PSD3: variants seen among roughly 807,000 people sequenced by gnomAD.
PSD3 encodes the protein pleckstrin and Sec7 domain containing 3.
A neutral mutation model predicts 105.5 loss-of-function variants in PSD3; 49 were observed. The observed-to-expected ratio is 0.46, with a 90% confidence interval of 0.37 to 0.59. The LOEUF is 0.59. PSD3 is among the 20% of genes least tolerant of loss of function. PSD3 has a pLI of 0.00. For synonymous variants in PSD3, 557 were observed against 457.8 expected, an observed-to-expected ratio of 1.22 and a Z score of -2.77; for missense variants, 1,561 against 1,263.8, an observed-to-expected ratio of 1.24 and a Z score of -3.57.
intron 8 of PSD3, among the ~76,000 whole-genome samples, chr8:18,771,123 T>C (rs1807482896): frequency 6.6e-6 from 1 of 152,118 alleles, no homozygotes; most frequent in South Asian, 2.1e-4. Context: ...GCTTCTCCTC[T>C]CTCTGCTGGC....
At chr8:18,734,636 TAGCA>T (rs1420240497) in intron 9 of PSD3, among the ~76,000 whole-genome samples, 2 of 152,162 alleles carry the variant, frequency 1.3e-5, no homozygotes, top group Non-Finnish European at 2.9e-5. Context: ...TTATGGAACT[TAGCA>T]AGTCATGAGG....
At chr8:19,001,474 C>T (rs1826390817) in intron 1 of PSD3, among the ~76,000 whole-genome samples, 1 of 151,010 alleles carries the variant, frequency 6.6e-6, no homozygotes, top group Non-Finnish European at 1.5e-5. Flanking sequence ...CCTACACTGA[C>T]ACACTGATCT....
At chr8:18,822,527 G>A (rs1004016481) in intron 4 of PSD3, among the ~76,000 whole-genome samples, 1 of 152,136 alleles carries the variant, frequency 6.6e-6, no homozygotes, top group African/African-American at 2.4e-5. Flanking sequence ...TCTTAAAATG[G>A]CAAAAGTCTG....
At chr8:18,694,012 G>GA (rs1372335664) in intron 9 of PSD3, among the ~76,000 whole-genome samples, 2 of 152,184 alleles carry the variant, frequency 1.3e-5, no homozygotes, top group Non-Finnish European at 2.9e-5. Flanking sequence ...GGAAAGATCT[G>GA]AAAAAAGAAT....
chr8:19,026,216 G>T (rs1357528729), intron 1 of PSD3, among the ~76,000 whole-genome samples: 1 of 152,180 alleles, frequency 6.6e-6, no homozygotes, highest in African/African-American at 2.4e-5. Context: ...TGAGGTTTGG[G>T]TGGCGACACA....
intron 9 of PSD3, among the ~76,000 whole-genome samples, chr8:18,709,466 C>G (rs1239465019): frequency 6.6e-6 from 1 of 152,228 alleles, no homozygotes; most frequent in Non-Finnish European, 1.5e-5. Context: ...TCCCCTCAGC[C>G]CACTGCACCT....
At chr8:18,940,414 C>A (rs1822458401) in intron 1 of PSD3, 1 of 152,142 alleles carries the variant, frequency 6.6e-6, no homozygotes, top group African/African-American at 2.4e-5. Flanking sequence ...GCTAAAGCTT[C>A]CGAATGAAGC....
intron 9 of PSD3, among the ~76,000 whole-genome samples, chr8:18,678,469 C>T (rs1415727567): frequency 1.3e-5 from 2 of 152,234 alleles, no homozygotes; most frequent in Non-Finnish European, 2.9e-5. Flanking sequence ...CAACTAACTT[C>T]CAGCCAATCA....
intron 14 of PSD3, among the ~76,000 whole-genome samples, chr8:18,567,206 C>T (rs188781885): frequency 2.0e-5 from 3 of 152,142 alleles, no homozygotes; most frequent in Admixed American, 6.5e-5. Context: ...ACCCAAACTA[C>T]TGAAAAAGAA....
intron 1 of PSD3, among the ~76,000 whole-genome samples, chr8:18,977,348 T>A (rs550766260): frequency 6.6e-6 from 1 of 152,052 alleles, no homozygotes; most frequent in East Asian, 1.9e-4. Context: ...AATTAAACAC[T>A]TAGCCTCAGT....
At chr8:18,938,433 C>T (rs1822300731) in intron 1 of PSD3, among the ~76,000 whole-genome samples, 1 of 151,948 alleles carries the variant, frequency 6.6e-6, no homozygotes, top group Admixed American at 6.6e-5. Context: ...ACCAGCCTGG[C>T]CAACATGGCA....
At chr8:18,566,406 A>C (rs1246772911) in intron 14 of PSD3, among the ~76,000 whole-genome samples, 1 of 151,800 alleles carries the variant, frequency 6.6e-6, no homozygotes, top group Non-Finnish European at 1.5e-5. Context: ...GGCGCCTGTA[A>C]TCCCAGCTAC....
At chr8:18,726,120 T>C (rs1193676362) in intron 9 of PSD3, among the ~76,000 whole-genome samples, 3 of 152,186 alleles carry the variant, frequency 2.0e-5, no homozygotes, top group Admixed American at 6.5e-5. Context: ...ATGAATGTGG[T>C]TCTCTCCTGC....
At chr8:18,937,374 G>C (rs879089231) in intron 1 of PSD3, among the ~76,000 whole-genome samples, 3 of 152,116 alleles carry the variant, frequency 2.0e-5, no homozygotes, top group Admixed American at 2.0e-4. Context: ...ATTCACTTTG[G>C]GGGAGAGAAG....
chr8:18,553,570 C>G (rs1220718512), intron 15 of PSD3, among the ~76,000 whole-genome samples: 1 of 152,208 alleles, frequency 6.6e-6, no homozygotes, highest in Non-Finnish European at 1.5e-5. Flanking sequence ...ACTCTTATAT[C>G]TGCTATGAAG....
chr8:18,762,892 G>C (rs1806656527), intron 9 of PSD3: 6 of 1,249,266 alleles, frequency 4.8e-6, no homozygotes, highest in Non-Finnish European at 5.2e-6. Context: ...ACAGAATTTG[G>C]CTTATACTTT....
At chr8:18,922,708 G>C (rs1313906110) in intron 2 of PSD3, among the ~76,000 whole-genome samples, 1 of 149,198 alleles carries the variant, frequency 6.7e-6, no homozygotes, top group Non-Finnish European at 1.5e-5. Flanking sequence ...CTGCGCTTCT[G>C]ACTGGCTATA....
intron 2 of PSD3, among the ~76,000 whole-genome samples, chr8:18,877,924 C>T (rs1363819444): frequency 6.6e-6 from 1 of 152,146 alleles, no homozygotes; most frequent in Non-Finnish European, 1.5e-5. Context: ...TGAGTCTCCT[C>T]CAACCTTGTT....
At chr8:18,845,407 G>C (rs1815001661) in intron 4 of PSD3, among the ~76,000 whole-genome samples, 1 of 152,126 alleles carries the variant, frequency 6.6e-6, no homozygotes. Context: ...CAGACTTACT[G>C]ACATAAGCAG....
Sources: allele counts gnomAD v4.1 joint callset (sites outside exome capture counted in the v4.1 genomes callset), GRCh38; gene constraint gnomAD v4.1.1; transcripts MANE v1.5; gene names NCBI Gene and HGNC (gene_info 2026-07-23, HGNC 2026-07-21).